Variants in PRUNE2 observed in about 807,000 individuals in gnomAD.
The protein encoded by PRUNE2 is protein prune homolog 2.
A neutral mutation model predicts 252.0 loss-of-function variants in PRUNE2; 164 were observed. That is an observed-to-expected ratio of 0.65 (90% CI 0.57 to 0.74). The LOEUF (loss-of-function observed/expected upper bound fraction) is 0.74, where lower values mean the gene tolerates loss of function less well. PRUNE2 is among the 30% of genes least tolerant of loss of function. The pLI is 0.00. For synonymous variants in PRUNE2, 1,292 were observed against 1,350.2 expected, an observed-to-expected ratio of 0.96 and a Z score of 0.94; for missense variants, 3,495 against 3,711.0, an observed-to-expected ratio of 0.94 and a Z score of 1.51.
chr9:76,621,716 G>A (rs1046809462), intron 17 of PRUNE2, among the ~76,000 whole-genome samples: 6 of 151,960 alleles, frequency 3.9e-5, no homozygotes, highest in African/African-American at 7.3e-5. Flanking sequence ...GTCTCACTCC[G>A]TTGCCCAGGC....
chr9:76,831,901 T>C (rs375782003), intron 4 of PRUNE2, among the ~76,000 whole-genome samples: 6 of 151,900 alleles, frequency 3.9e-5, no homozygotes, highest in African/African-American at 1.2e-4. Context: ...CATCGGAAGG[T>C]TGAAGGTAAA....
At chr9:76,693,439 C>CTTTTT (rs550030416) in intron 9 of PRUNE2, among the ~76,000 whole-genome samples, 3 of 108,062 alleles carry the variant, frequency 2.8e-5, no homozygotes, top group Admixed American at 1.0e-4. Flanking sequence ...AGCACCTACT[C>CTTTTT]TTTTTTTTTT....
At position 76,819,985 on chromosome 9, in the gene PRUNE2, A is replaced by C. The variant is rs148881763; in HGVS notation, c.756+3647T>G. 1.8e-3 allele frequency among the ~76,000 whole-genome samples: 272 copies of C among 152,306 alleles called. 3 individuals carry two copies. The East Asian group carries it at 0.022, about 12-fold the overall frequency. On this transcript the variant is annotated intron_variant, in intron 6 of 18. Transcript: ENST00000376718. ...TTCTCTTCTGATGATCAAATCAACA[A>C]GCAACAAAAAGGCCACAAAGGATCA...
At chr9:76,678,092 G>A (rs2042924963) in intron 9 of PRUNE2, among the ~76,000 whole-genome samples, 1 of 152,100 alleles carries the variant, frequency 6.6e-6, no homozygotes, top group African/African-American at 2.4e-5. Context: ...GGGATTGGCC[G>A]GGCTTGGGGG....
At chr9:76,641,883 C>A in intron 12 of PRUNE2, 1 of 1,472,360 alleles carries the variant, frequency 6.8e-7, no homozygotes, top group South Asian at 1.4e-5. Flanking sequence ...CAGTCGCAAC[C>A]AAAACATACA....
At chr9:76,648,015 C>T (rs1202442142) in intron 11 of PRUNE2, among the ~76,000 whole-genome samples, 1 of 152,026 alleles carries the variant, frequency 6.6e-6, no homozygotes, top group East Asian at 1.9e-4. Context: ...GGCAAAAGAC[C>T]TGGACAGGTA....
At chr9:76,722,976 CTT>C (rs1301249656) in intron 6 of PRUNE2, among the ~76,000 whole-genome samples, 2 of 152,216 alleles carry the variant, frequency 1.3e-5, no homozygotes, top group African/African-American at 2.4e-5. Context: ...TTGGTTCTCT[CTT>C]GTCACTACAC....
intron 12 of PRUNE2, among the ~76,000 whole-genome samples, chr9:76,643,877 C>T (rs1292114789): frequency 1.3e-5 from 2 of 152,198 alleles, no homozygotes; most frequent in Non-Finnish European, 2.9e-5. Context: ...AGTGCTAAGA[C>T]TCTCATTTCC....
intron 9 of PRUNE2, among the ~76,000 whole-genome samples, chr9:76,681,268 T>G (rs1286309248): frequency 6.6e-6 from 1 of 151,874 alleles, no homozygotes; most frequent in Non-Finnish European, 1.5e-5. Flanking sequence ...AGTAGAATGG[T>G]GGTTGCCAGG....
At chr9:76,831,126 T>G (rs1320813185) in intron 4 of PRUNE2, among the ~76,000 whole-genome samples, 1 of 152,036 alleles carries the variant, frequency 6.6e-6, no homozygotes, top group Non-Finnish European at 1.5e-5. Flanking sequence ...AGATGGGGTT[T>G]CACCATGTTA....
chr9:76,888,566 G>C (rs941635085), intron 1 of PRUNE2, among the ~76,000 whole-genome samples: 1 of 149,130 alleles, frequency 6.7e-6, no homozygotes, highest in Non-Finnish European at 1.5e-5. Context: ...GACAGAGTGA[G>C]ACTCCATCTC....
intron 6 of PRUNE2, among the ~76,000 whole-genome samples, chr9:76,719,544 G>A (rs2047444281): frequency 6.6e-6 from 1 of 151,792 alleles, no homozygotes; most frequent in African/African-American, 2.4e-5. Context: ...CTAGCACTTT[G>A]GGAGGCCAGG....
At position 76,706,222 on chromosome 9, in the gene PRUNE2, A is replaced by T. The variant is rs893358952; in HGVS notation, c.6052T>A (p.Phe2018Ile). 6.2e-7 allele frequency: 1 copy of T among 1,613,920 alleles called. No individual in the cohort carries two copies. Among genetic ancestry groups the T allele is most frequent in the Admixed American group, 1.7e-5 (1 of 60,000 alleles). ...TGGGTGGGAGAACTGACAGCAGGAA[A>T]ATTTTCTGTGGCAATGCTTGAATTT... ...MTNSSIATEN[F>I]PAVSSPTQLI... The change falls in exon 8 of 19, where the codon TTT becomes ATT. Residue 2018 changes from phenylalanine to isoleucine, a missense_variant. Coordinates refer to ENST00000376718, the MANE Select transcript of PRUNE2 (RefSeq NM_015225.3).
chr9:76,675,733 C>T (rs1253437945), intron 9 of PRUNE2, among the ~76,000 whole-genome samples: 1 of 121,112 alleles, frequency 8.3e-6, no homozygotes, highest in Non-Finnish European at 1.8e-5. Flanking sequence ...TACTATGCAG[C>T]CATAAAAAAT....
intron 6 of PRUNE2, among the ~76,000 whole-genome samples, chr9:76,798,398 G>A (rs553128990): frequency 6.6e-6 from 1 of 152,060 alleles, no homozygotes; most frequent in Non-Finnish European, 1.5e-5. Flanking sequence ...TTGCCTTTCT[G>A]TATCTGGCTT....
chr9:76,641,055 A>C (rs1470746481), intron 12 of PRUNE2, among the ~76,000 whole-genome samples: 1 of 152,184 alleles, frequency 6.6e-6, no homozygotes, highest in Admixed American at 6.5e-5. Flanking sequence ...AGTTCAGCTC[A>C]CTGTGTAAAT....
At chr9:76,676,077 C>CCAAAAACAAA (rs147242440) in intron 9 of PRUNE2, among the ~76,000 whole-genome samples, 8 of 147,998 alleles carry the variant, frequency 5.4e-5, no homozygotes, top group Non-Finnish European at 1.2e-4. Flanking sequence ...AAAAAAAAAC[C>CCAAAAACAAA]AAAAACAAAA....
At chr9:76,639,297 C>T (rs1017771850) in intron 12 of PRUNE2, among the ~76,000 whole-genome samples, 2 of 152,100 alleles carry the variant, frequency 1.3e-5, no homozygotes, top group African/African-American at 4.8e-5. Flanking sequence ...TTCGAGACCA[C>T]CCGGACAGCA....
intron 9 of PRUNE2, among the ~76,000 whole-genome samples, chr9:76,679,290 T>C (rs2043162976): frequency 6.6e-6 from 1 of 152,300 alleles, no homozygotes; most frequent in African/African-American, 2.4e-5. Context: ...TTAAATACAA[T>C]AGTGGTTTTC....
Sources: allele counts gnomAD v4.1 joint callset (sites outside exome capture counted in the v4.1 genomes callset), GRCh38; gene constraint gnomAD v4.1.1; transcripts MANE v1.5; gene names NCBI Gene and HGNC (gene_info 2026-07-23, HGNC 2026-07-21).